CSMD1: variants seen among roughly 807,000 people sequenced by gnomAD.
The protein encoded by CSMD1 is CUB and Sushi multiple domains 1.
CSMD1 carries 213 observed loss-of-function variants against 417.5 expected under a neutral mutation model. The ratio of observed to expected loss-of-function variants is 0.51; its 90% CI spans 0.46 to 0.57. CSMD1 has a LOEUF of 0.57. Among genes scored for constraint, CSMD1 ranks in the 20% least tolerant of loss-of-function variants. The pLI is 0.00. For missense variants in CSMD1, 6,923 were observed against 4,529.7 expected (o/e 1.53, Z -15.17); for synonymous variants, 2,862 against 1,736.8 (o/e 1.65, Z -16.11).
At chr8:3,749,063 A>G (rs1545821) in intron 6 of CSMD1, among the ~76,000 whole-genome samples, 136,876 of 152,230 alleles carry the variant, frequency 0.9, 61,536 homozygotes, top group South Asian at 0.93. Flanking sequence ...CACTTAGATG[A>G]CTATTTAGTA....
At chr8:3,186,943 T>C (rs1821799308) in intron 36 of CSMD1, among the ~76,000 whole-genome samples, 1 of 152,242 alleles carries the variant, frequency 6.6e-6, no homozygotes, top group Non-Finnish European at 1.5e-5. Flanking sequence ...GGTTTCGCCA[T>C]GTTGGCCAGG....
chr8:4,261,305 G>A (rs1193687888), intron 3 of CSMD1, among the ~76,000 whole-genome samples: 2 of 152,044 alleles, frequency 1.3e-5, no homozygotes, highest in African/African-American at 2.4e-5. Context: ...AATAACCCAG[G>A]CATAGAAAGA....
intron 54 of CSMD1, among the ~76,000 whole-genome samples, chr8:2,981,272 G>C (rs564169743): frequency 6.6e-6 from 1 of 152,198 alleles, no homozygotes; most frequent in Non-Finnish European, 1.5e-5. Flanking sequence ...ATCTGTATTT[G>C]TTTTGTCATT....
At chr8:4,359,785 C>A (rs1038537217) in intron 3 of CSMD1, among the ~76,000 whole-genome samples, 2 of 152,168 alleles carry the variant, frequency 1.3e-5, no homozygotes, top group Non-Finnish European at 2.9e-5. Flanking sequence ...TGGTAAAGAA[C>A]GCACAATGAG....
At chr8:3,510,852 G>C (rs748341831) in intron 10 of CSMD1, among the ~76,000 whole-genome samples, 3 of 151,610 alleles carry the variant, frequency 2.0e-5, no homozygotes, top group Admixed American at 1.3e-4. Context: ...TTTTTGATGG[G>C]GTTGTTTTTT....
In CSMD1 at chr8:4,358,190, G is replaced by C. The variant is rs182328531; in HGVS notation, c.415+61763C>G. 4.5e-3 allele frequency among the ~76,000 whole-genome samples: 685 copies of C among 152,248 alleles called. 5 individuals carry two copies. The highest frequency in any genetic ancestry group is 0.015 in the African/African-American group (608 of 41,558). On this transcript the variant is annotated intron_variant, in intron 3 of 69. Coordinates refer to ENST00000635120, the MANE Select transcript of CSMD1 (RefSeq NM_033225.6). ...GATGACGTTCACTTTATTCAGGGAT[G>C]AATGTCTTCTGGGGTGTTATAATTT...
intron 3 of CSMD1, among the ~76,000 whole-genome samples, chr8:4,338,912 GATAA>G (rs1192500987): frequency 6.6e-6 from 1 of 152,102 alleles, no homozygotes; most frequent in Non-Finnish European, 1.5e-5. Context: ...ACAGAGGCAT[GATAA>G]ATAAAGTTAA....
intron 2 of CSMD1, among the ~76,000 whole-genome samples, chr8:4,460,084 C>T (rs11995975): frequency 0.052 from 7,863 of 152,216 alleles, 538 homozygotes; most frequent in African/African-American, 0.15. Flanking sequence ...GCGTATGAAA[C>T]ATTCTCCACA....
intron 2 of CSMD1, among the ~76,000 whole-genome samples, chr8:4,439,904 T>C (rs1250277083): frequency 2.7e-4 from 41 of 152,180 alleles, no homozygotes; most frequent in Non-Finnish European, 4.4e-5. Flanking sequence ...ACACAACAGT[T>C]AACAAGCTTA....
rs566087593 is a variant in CSMD1, at chr8:3,200,031, C to G, written c.5099-222G>C. Among the ~76,000 whole-genome samples, 573 of 152,138 alleles carry G rather than the reference C, an allele frequency of 3.8e-3. 2 individuals carry two copies. The highest frequency in any genetic ancestry group is 0.012 in the African/African-American group (517 of 41,518). On this transcript the variant is annotated intron_variant, in intron 32 of 69. Transcript: ENST00000635120. ...GCATTTGATTAAAATATACTGTAAT[C>G]ATTATTTCGCTTATGATTTCTTTTG...
intron 3 of CSMD1, among the ~76,000 whole-genome samples, chr8:4,041,567 G>T (rs1179479595): frequency 6.6e-6 from 1 of 152,128 alleles, no homozygotes; most frequent in Non-Finnish European, 1.5e-5. Context: ...ACCTGTCAAA[G>T]TGAGATTCAC....
chr8:3,241,786 G>C (rs924305686), intron 26 of CSMD1, among the ~76,000 whole-genome samples: 1 of 152,108 alleles, frequency 6.6e-6, no homozygotes, highest in Non-Finnish European at 1.5e-5. Context: ...TCTCACAGTG[G>C]AGGCAAGGAA....
chr8:4,512,601 G>T (rs555182514), intron 2 of CSMD1, among the ~76,000 whole-genome samples: 1 of 152,072 alleles, frequency 6.6e-6, no homozygotes, highest in Non-Finnish European at 1.5e-5. Context: ...AGGATACAAA[G>T]TTAACACTAA....
intron 5 of CSMD1, among the ~76,000 whole-genome samples, chr8:3,890,502 G>A (rs925213213): frequency 6.6e-6 from 1 of 151,832 alleles, no homozygotes; most frequent in Non-Finnish European, 1.5e-5. Context: ...AGGCATTGAG[G>A]CACACTTGCA....
At chr8:4,047,388 A>T (rs893421658) in intron 3 of CSMD1, among the ~76,000 whole-genome samples, 6 of 152,206 alleles carry the variant, frequency 3.9e-5, no homozygotes, top group Non-Finnish European at 8.8e-5. Context: ...CAATCTTGGA[A>T]ACTCAGGAAA....
chr8:4,043,618 C>G (rs1037129764), intron 3 of CSMD1, among the ~76,000 whole-genome samples: 3 of 152,168 alleles, frequency 2.0e-5, no homozygotes, highest in Non-Finnish European at 2.9e-5. Context: ...ACTGGAATTT[C>G]AAAAGACGAA....
At chr8:3,963,575 TCTA>T (rs560587385) in intron 5 of CSMD1, among the ~76,000 whole-genome samples, 53 of 152,308 alleles carry the variant, frequency 3.5e-4, no homozygotes, top group Non-Finnish European at 6.9e-4. Context: ...AATATTAAAA[TCTA>T]CTAAGTAAAC....
At chr8:3,304,580 A>C (rs1804668502) in intron 25 of CSMD1, among the ~76,000 whole-genome samples, 2 of 152,180 alleles carry the variant, frequency 1.3e-5, no homozygotes, top group African/African-American at 4.8e-5. Context: ...CTTATTGGGA[A>C]GAAGTTTATG....
chr8:3,229,765 TTTGA>T (rs955602024), intron 27 of CSMD1, among the ~76,000 whole-genome samples: 11 of 152,304 alleles, frequency 7.2e-5, no homozygotes, highest in Admixed American at 4.6e-4. Context: ...ATTACAGACA[TTTGA>T]TTGATCCATG....
Sources: allele counts gnomAD v4.1 joint callset (sites outside exome capture counted in the v4.1 genomes callset), GRCh38; gene constraint gnomAD v4.1.1; transcripts MANE v1.5; gene names NCBI Gene and HGNC (gene_info 2026-07-23, HGNC 2026-07-21).